IL1RAPL2: variants seen among roughly 807,000 people sequenced by gnomAD.
IL1RAPL2 encodes X-linked interleukin-1 receptor accessory protein-like 2.
In IL1RAPL2, 3 loss-of-function variants were observed where a neutral mutation model predicts 44.1. The observed-to-expected ratio is 0.07, with a 90% CI of 0.03 to 0.18. The LOEUF is 0.18. IL1RAPL2 is among the 10% of genes least tolerant of loss of function. The pLI is 1.00. For synonymous variants in IL1RAPL2, 181 were observed against 178.8 expected (o/e 1.01, Z -0.10); for missense variants, 391 against 496.4 (o/e 0.79, Z 2.02).
rs6652917 is a variant in IL1RAPL2 at position 105,299,569 on chromosome X, G to A, written c.697+32028G>A. Among the ~76,000 whole-genome samples, 507 of 111,047 alleles carry A rather than the reference G, an allele frequency of 4.6e-3. 4 individuals carry two copies. Among genetic ancestry groups the A allele is most frequent in the African/African-American group, 0.016 (477 of 30,506 alleles). ...CTTCAAACTGGTTGCTGGAATTTGA[G>A]GTTTGAAAAACATCTTAAGCCATCC... On this transcript the variant is annotated intron_variant, in intron 5 of 10. Coordinates refer to ENST00000372582, the MANE Select transcript of IL1RAPL2 (RefSeq NM_017416.2).
intron 2 of IL1RAPL2, among the ~76,000 whole-genome samples, chrX:104,984,513 AAT>A (rs1292107271): frequency 1.8e-5 from 2 of 111,906 alleles, no homozygotes; most frequent in Admixed American, 9.6e-5. Flanking sequence ...GATTCAGACA[AAT>A]ATGATGGGAG....
intron 2 of IL1RAPL2, among the ~76,000 whole-genome samples, chrX:104,675,870 T>C (rs1160211318): frequency 1.9e-5 from 2 of 107,997 alleles, no homozygotes; most frequent in Non-Finnish European, 3.9e-5. Flanking sequence ...TCTTTGTCTC[T>C]TTCGATCTCT....
intron 2 of IL1RAPL2, among the ~76,000 whole-genome samples, chrX:104,889,594 C>T (rs1018378363): frequency 3.6e-5 from 4 of 111,229 alleles, no homozygotes; most frequent in Non-Finnish European, 5.7e-5. Context: ...GGAAATCAGA[C>T]ATTATCAGTA....
chrX:105,159,383 G>T (rs1227686634), intron 2 of IL1RAPL2, among the ~76,000 whole-genome samples: 1 of 111,974 alleles, frequency 8.9e-6, no homozygotes, highest in Non-Finnish European at 1.9e-5. Flanking sequence ...TGTTTCTGAA[G>T]ATTCCTACAG....
At chrX:105,257,512 ATCTG>A (rs1372226241) in intron 4 of IL1RAPL2, among the ~76,000 whole-genome samples, 1 of 111,772 alleles carries the variant, frequency 8.9e-6, no homozygotes, top group Non-Finnish European at 1.9e-5. Context: ...TGCTTCGATG[ATCTG>A]TCTAATACTC....
At chrX:104,610,649 A>T (rs771118090) in intron 1 of IL1RAPL2, among the ~76,000 whole-genome samples, 2 of 112,015 alleles carry the variant, frequency 1.8e-5, no homozygotes, top group South Asian at 7.5e-4. Context: ...AAATGGAAGA[A>T]CATTCCATGC....
Position 105,694,655 on chromosome X carries a change from A to G in IL1RAPL2, c.773-22712A>G, listed in dbSNP as rs1050829761. 2.7e-5 allele frequency among the ~76,000 whole-genome samples: 3 copies of G among 110,861 alleles called. No homozygotes were observed. In the Admixed American group the frequency reaches 2.9e-4, roughly 11 times the overall value. On this transcript the variant is annotated intron_variant, in intron 6 of 10. Transcript: ENST00000372582. ...TCCTCATCCCCTCCTGAGATCTCAT[A>G]TTAATGGACATATGCCGCCACTTAC...
intron 6 of IL1RAPL2, among the ~76,000 whole-genome samples, chrX:105,530,199 A>G (rs1405072207): frequency 2.7e-5 from 3 of 112,251 alleles, no homozygotes; most frequent in Non-Finnish European, 3.8e-5. Flanking sequence ...CATGGGTGCC[A>G]ATTTATTCAC....
At chrX:105,239,362 C>T (rs2034149468) in intron 4 of IL1RAPL2, among the ~76,000 whole-genome samples, 1 of 111,658 alleles carries the variant, frequency 9.0e-6, no homozygotes. Flanking sequence ...TCTTTTACTC[C>T]ACACCATGGA....
At chrX:105,545,980 T>A (rs2147800319) in intron 6 of IL1RAPL2, among the ~76,000 whole-genome samples, 1 of 111,532 alleles carries the variant, frequency 9.0e-6, no homozygotes, top group Non-Finnish European at 1.9e-5. Context: ...AGCTGTTAGA[T>A]TTTCTTACTC....
At chrX:105,149,875 G>A (rs1013870940) in intron 2 of IL1RAPL2, among the ~76,000 whole-genome samples, 2 of 109,990 alleles carry the variant, frequency 1.8e-5, no homozygotes, top group African/African-American at 6.6e-5. Context: ...ATACAAATAT[G>A]TGTTTACATA....
At chrX:105,061,300 T>G (rs2032072982) in intron 2 of IL1RAPL2, among the ~76,000 whole-genome samples, 1 of 111,960 alleles carries the variant, frequency 8.9e-6, no homozygotes, top group African/African-American at 3.2e-5. Context: ...ATTGACCCAC[T>G]TGTCACTCAG....
At chrX:104,723,175 T>G (rs1931717596) in intron 2 of IL1RAPL2, among the ~76,000 whole-genome samples, 2 of 111,053 alleles carry the variant, frequency 1.8e-5, no homozygotes, top group African/African-American at 6.5e-5. Context: ...ATTTTGAAAA[T>G]TTAAATGTGT....
At chrX:105,438,354 C>T (rs1047376867) in intron 5 of IL1RAPL2, among the ~76,000 whole-genome samples, 3 of 111,037 alleles carry the variant, frequency 2.7e-5, no homozygotes, top group Admixed American at 1.9e-4. Flanking sequence ...ATATAAGATC[C>T]CGAAGCACCC....
intron 2 of IL1RAPL2, among the ~76,000 whole-genome samples, chrX:104,684,249 T>C (rs1462647600): frequency 9.0e-6 from 1 of 111,669 alleles, no homozygotes; most frequent in Admixed American, 9.5e-5. Flanking sequence ...TTTTCTTGGA[T>C]TTTGTTACTA....
At chrX:105,665,753 T>TTTTTTTTG (rs2037759802) in intron 6 of IL1RAPL2, among the ~76,000 whole-genome samples, 1 of 69,309 alleles carries the variant, frequency 1.4e-5, no homozygotes, top group African/African-American at 5.6e-5. Context: ...TTTTTTTTTT[T>TTTTTTTTG]TTGTTGTTGT....
At chrX:104,740,357 G>C (rs1569306393) in intron 2 of IL1RAPL2, among the ~76,000 whole-genome samples, 1 of 110,464 alleles carries the variant, frequency 9.1e-6, no homozygotes, top group Non-Finnish European at 1.9e-5. Flanking sequence ...AACTGGAGTT[G>C]CATTATGATT....
intron 6 of IL1RAPL2, among the ~76,000 whole-genome samples, chrX:105,570,406 A>G (rs2037006180): frequency 8.9e-6 from 1 of 112,262 alleles, no homozygotes; most frequent in African/African-American, 3.2e-5. Flanking sequence ...TGCTATAAAT[A>G]CGTATGTGTA....
At chrX:105,335,644 C>T (rs2091206125) in intron 5 of IL1RAPL2, among the ~76,000 whole-genome samples, 1 of 111,222 alleles carries the variant, frequency 9.0e-6, no homozygotes, top group Non-Finnish European at 1.9e-5. Flanking sequence ...CCCATTTATA[C>T]TGGATACAAA....
Sources: gnomAD v4.1 joint callset for allele counts (sites outside exome capture counted in the v4.1 genomes callset) on GRCh38, gnomAD v4.1.1 for gene constraint, MANE v1.5 for transcripts, NCBI Gene and HGNC (gene_info 2026-07-23, HGNC 2026-07-21) for gene names.